The following DPP10 variants were observed in gnomAD, a reference collection of about 807,000 sequenced individuals.
DPP10 encodes the protein inactive dipeptidyl peptidase 10.
In DPP10, 33 loss-of-function variants were observed where a neutral mutation model predicts 120.9. The ratio of observed to expected loss-of-function variants is 0.27; its 90% CI spans 0.21 to 0.37. The LOEUF is 0.37. DPP10 is among the 10% of genes least tolerant of loss of function. The pLI, the probability that DPP10 is intolerant of heterozygous loss-of-function variation, is 1.00. For missense variants in DPP10, 816 were observed against 942.8 expected (o/e 0.87, Z 1.76); for synonymous variants, 337 against 326.1 (o/e 1.03, Z -0.36).
At chr2:115,184,755 C>T (rs1263542822) in intron 1 of DPP10, among the ~76,000 whole-genome samples, 2 of 152,202 alleles carry the variant, frequency 1.3e-5, no homozygotes, top group African/African-American at 4.8e-5. Flanking sequence ...TGCAGCCTCA[C>T]ATATTGTCGG....
intron 5 of DPP10, among the ~76,000 whole-genome samples, chr2:115,587,089 C>CTTTTTTTTTTTTTTTTTTT (rs756810925): frequency 1.6e-4 from 17 of 103,916 alleles, no homozygotes; most frequent in South Asian, 3.3e-4. Flanking sequence ...TTTTCTCTTT[C>CTTTTTTTTTTTTTTTTTTT]TTTTTTTTTT....
At chr2:114,773,697 G>A (rs1256197785) in intron 1 of DPP10, among the ~76,000 whole-genome samples, 1 of 152,112 alleles carries the variant, frequency 6.6e-6, no homozygotes, top group Non-Finnish European at 1.5e-5. Flanking sequence ...CATAAAGAAG[G>A]CAGTGATGAC....
chr2:115,568,012 CA>C (rs531528927), intron 5 of DPP10, among the ~76,000 whole-genome samples: 1 of 151,408 alleles, frequency 6.6e-6, no homozygotes. Flanking sequence ...CCAGTCTGTA[CA>C]AAAAATACAA....
At chr2:115,643,814 T>G (rs960742530) in intron 5 of DPP10, among the ~76,000 whole-genome samples, 1 of 152,236 alleles carries the variant, frequency 6.6e-6, no homozygotes, top group Middle Eastern at 3.2e-3. Context: ...CAGTTGCTGA[T>G]GAGCTTAGTC....
intron 1 of DPP10, among the ~76,000 whole-genome samples, chr2:114,829,107 T>C (rs1686834146): frequency 6.6e-6 from 1 of 151,818 alleles, no homozygotes; most frequent in South Asian, 2.1e-4. Flanking sequence ...GCCAAGATGG[T>C]GAAACCCCAT....
chr2:115,126,718 C>T (rs887081334), intron 1 of DPP10, among the ~76,000 whole-genome samples: 3 of 152,006 alleles, frequency 2.0e-5, no homozygotes, highest in African/African-American at 7.2e-5. Flanking sequence ...CATTTATATT[C>T]CTCTTTTCTC....
At chr2:115,459,120 T>C (rs1003956355) in intron 3 of DPP10, among the ~76,000 whole-genome samples, 1 of 151,930 alleles carries the variant, frequency 6.6e-6, no homozygotes, top group Non-Finnish European at 1.5e-5. Context: ...TTAACAGTTG[T>C]CAAAATTTGG....
intron 1 of DPP10, among the ~76,000 whole-genome samples, chr2:114,467,235 A>G (rs183348715): frequency 6.6e-6 from 1 of 152,302 alleles, no homozygotes; most frequent in African/African-American, 2.4e-5. Flanking sequence ...TATTCAAAAT[A>G]GGAATTGCAA....
intron 1 of DPP10, among the ~76,000 whole-genome samples, chr2:115,065,848 G>A (rs562909797): frequency 1.3e-5 from 2 of 152,006 alleles, no homozygotes; most frequent in East Asian, 1.9e-4. Context: ...ATTGAAACAC[G>A]CATGCCAAAA....
intron 3 of DPP10, among the ~76,000 whole-genome samples, chr2:115,383,938 G>A (rs1407373053): frequency 6.6e-6 from 1 of 152,074 alleles, no homozygotes; most frequent in African/African-American, 2.4e-5. Context: ...GAAACCAATA[G>A]ATCATAAGAA....
At chr2:115,727,245 A>G (rs942351975) in intron 7 of DPP10, among the ~76,000 whole-genome samples, 10 of 149,714 alleles carry the variant, frequency 6.7e-5, no homozygotes, top group Admixed American at 1.3e-4. Context: ...TTTACAAAAG[A>G]GTTGCCAAGA....
intron 1 of DPP10, among the ~76,000 whole-genome samples, chr2:114,783,266 A>C (rs191398430): frequency 1.3e-5 from 2 of 152,284 alleles, no homozygotes; most frequent in Non-Finnish European, 2.9e-5. Context: ...GTGCTTAAAG[A>C]AATGTAACCT....
chr2:115,753,638 G>A (rs1202430856), intron 11 of DPP10, among the ~76,000 whole-genome samples: 1 of 152,076 alleles, frequency 6.6e-6, no homozygotes, highest in Non-Finnish European at 1.5e-5. Flanking sequence ...AATATAAGAA[G>A]TTTCTTTCCT....
intron 1 of DPP10, among the ~76,000 whole-genome samples, chr2:115,044,659 A>T (rs930293991): frequency 2.0e-4 from 30 of 152,100 alleles, no homozygotes; most frequent in African/African-American, 6.5e-4. Context: ...GAGAACACAG[A>T]TCCAAACCAT....
At chr2:114,744,453 A>G (rs1678370307) in intron 1 of DPP10, among the ~76,000 whole-genome samples, 1 of 152,250 alleles carries the variant, frequency 6.6e-6, no homozygotes, top group South Asian at 2.1e-4. Flanking sequence ...GGAGTTAATG[A>G]TTTGTATCAG....
At chr2:114,619,241 G>A (rs1453002577) in intron 1 of DPP10, among the ~76,000 whole-genome samples, 1 of 152,036 alleles carries the variant, frequency 6.6e-6, no homozygotes, top group Non-Finnish European at 1.5e-5. Context: ...AGGAAAAAAA[G>A]AAGTAAACTT....
At chr2:115,653,624 A>G (rs935104541) in intron 5 of DPP10, among the ~76,000 whole-genome samples, 3 of 151,940 alleles carry the variant, frequency 2.0e-5, no homozygotes, top group African/African-American at 7.2e-5. Context: ...CCGGAAACAC[A>G]ATGTGTATGT....
intron 1 of DPP10, among the ~76,000 whole-genome samples, chr2:115,088,990 T>G (rs1709013379): frequency 6.6e-6 from 1 of 152,072 alleles, no homozygotes; most frequent in Admixed American, 6.6e-5. Context: ...CATCCCAGGT[T>G]GGCCCCTCAT....
chr2:115,032,617 A>C (rs1703914426), intron 1 of DPP10, among the ~76,000 whole-genome samples: 2 of 151,896 alleles, frequency 1.3e-5, no homozygotes, highest in African/African-American at 4.8e-5. Context: ...GTGGTGGCTC[A>C]CTCCTGTAAT....
Sources: allele counts gnomAD v4.1 joint callset (sites outside exome capture counted in the v4.1 genomes callset), GRCh38; gene constraint gnomAD v4.1.1; transcripts MANE v1.5; gene names NCBI Gene and HGNC (gene_info 2026-07-23, HGNC 2026-07-21).